The following GPHN variants were observed in gnomAD, a reference collection of about 807,000 sequenced individuals.
The protein encoded by GPHN is gephyrin.
A neutral mutation model predicts 95.5 loss-of-function variants in GPHN; 17 were observed. The observed-to-expected ratio is 0.18, with a 90% confidence interval of 0.12 to 0.27. GPHN has a LOEUF of 0.27. Among genes scored for constraint, GPHN ranks in the 10% least tolerant of loss-of-function variants. The probability of loss-of-function intolerance (pLI) is 1.00; values close to 1 mark genes in which losing one functional copy is unlikely to be tolerated. For synonymous variants in GPHN, 320 were observed against 322.5 expected (o/e 0.99, Z 0.08); for missense variants, 660 against 978.1 (o/e 0.67, Z 4.34).
At chr14:67,198,586 C>A in the GPHN span, among the ~76,000 whole-genome samples, 1 of 152,204 alleles carries the variant, frequency 6.6e-6, no homozygotes, top group Non-Finnish European at 1.5e-5. Context: ...CCCAAAATTA[C>A]ATGAAGCCGT....
the GPHN span, among the ~76,000 whole-genome samples, chr14:67,200,807 T>G: frequency 6.6e-5 from 10 of 152,232 alleles, no homozygotes; most frequent in Admixed American, 6.5e-4. Context: ...TCCAAGTTAG[T>G]TACCTTTTGC....
chr14:66,881,599 T>C (rs1014287607), intron 5 of GPHN, among the ~76,000 whole-genome samples: 2 of 151,898 alleles, frequency 1.3e-5, no homozygotes, highest in African/African-American at 2.4e-5. Context: ...GATCCCACAG[T>C]TTAAATGGAG....
the GPHN span, among the ~76,000 whole-genome samples, chr14:67,308,561 T>C: frequency 1.4e-4 from 21 of 150,494 alleles, no homozygotes; most frequent in African/African-American, 4.1e-4. Flanking sequence ...TTTTTTTTTT[T>C]TGGAGACAGA....
At chr14:67,257,925 G>A in the GPHN span, among the ~76,000 whole-genome samples, 6 of 152,076 alleles carry the variant, frequency 3.9e-5, no homozygotes, top group Non-Finnish European at 7.4e-5. Context: ...CTTATATGGA[G>A]TGTGTAAAAA....
chr14:67,026,383 TAATG>T (rs1567226882), intron 10 of GPHN, among the ~76,000 whole-genome samples: 1 of 152,202 alleles, frequency 6.6e-6, no homozygotes, highest in Non-Finnish European at 1.5e-5. Context: ...ATTTTCTTGA[TAATG>T]ATGATGATAA....
intron 18 of GPHN, among the ~76,000 whole-genome samples, chr14:67,143,833 C>A (rs978609791): frequency 6.6e-6 from 1 of 152,098 alleles, no homozygotes. Flanking sequence ...CCAATTCACC[C>A]ACCATATATT....
the GPHN span, among the ~76,000 whole-genome samples, chr14:67,708,832 C>T: frequency 1.3e-4 from 18 of 142,094 alleles, no homozygotes; most frequent in Admixed American, 5.1e-4. Context: ...CTCATTCTGT[C>T]GCCAAGCTGG....
the GPHN span, among the ~76,000 whole-genome samples, chr14:67,712,632 T>TA: frequency 6.6e-6 from 1 of 152,158 alleles, no homozygotes; most frequent in Non-Finnish European, 1.5e-5. Context: ...GAGCTCATTT[T>TA]AAAAAATCTT....
intron 19 of GPHN, among the ~76,000 whole-genome samples, chr14:67,161,785 A>G (rs1278607722): frequency 1.3e-5 from 2 of 152,194 alleles, no homozygotes; most frequent in Non-Finnish European, 2.9e-5. Context: ...TTCTATTTGC[A>G]GAGGGAAAGA....
intron 9 of GPHN, among the ~76,000 whole-genome samples, chr14:66,975,544 G>A (rs1478226523): frequency 1.3e-5 from 2 of 152,022 alleles, no homozygotes; most frequent in African/African-American, 4.8e-5. Context: ...ATTATACTGC[G>A]AGGCACAGCA....
rs578007080 is a variant in GPHN at position 66,759,622 on chromosome 14, C to T, written c.144-16842C>T. On this transcript the variant is annotated intron_variant, in intron 2 of 22. Transcript: ENST00000478722. ...CTTTACTTTAAGCCTGTTGGTGTAA[C>T]GTGAAATGGGTCTGTTGAAGATAGC... 5.9e-5 allele frequency among the ~76,000 whole-genome samples: 9 copies of T among 152,196 alleles called. No homozygotes were observed. The South Asian group carries it at 1.5e-3, about 25-fold the overall frequency.
chr14:67,286,978 GAGGCCAAGGTGGGTGGATCA>G, the GPHN span, among the ~76,000 whole-genome samples: 1 of 152,190 alleles, frequency 6.6e-6, no homozygotes, highest in Non-Finnish European at 1.5e-5. Flanking sequence ...AGCACTTTGG[GAGGCCAAGGTGGGTGGATCA>G]CTTGAGTCCA....
intron 8 of GPHN, among the ~76,000 whole-genome samples, chr14:66,951,490 T>C (rs2068106022): frequency 7.3e-6 from 1 of 137,792 alleles, no homozygotes; most frequent in Non-Finnish European, 1.5e-5. Flanking sequence ...CACTCCAGCC[T>C]GGCAACAGAA....
At chr14:67,580,824 G>A in the GPHN span, 3 of 679,840 alleles carry the variant, frequency 4.4e-6, no homozygotes, top group East Asian at 8.0e-5. Context: ...CCTGGTGGGA[G>A]GACTTTTCCT....
chr14:66,918,256 A>G (rs1047612782), intron 6 of GPHN, among the ~76,000 whole-genome samples: 1 of 152,176 alleles, frequency 6.6e-6, no homozygotes, highest in African/African-American at 2.4e-5. Flanking sequence ...TTCTGGCGTC[A>G]ATCTGTGATA....
intron 3 of GPHN, among the ~76,000 whole-genome samples, chr14:66,804,689 A>G (rs1179048087): frequency 6.6e-6 from 1 of 152,220 alleles, no homozygotes; most frequent in Non-Finnish European, 1.5e-5. Flanking sequence ...GCTGGACATT[A>G]TCCGTTTTAC....
At chr14:67,375,384 A>C in the GPHN span, among the ~76,000 whole-genome samples, 1 of 152,006 alleles carries the variant, frequency 6.6e-6, no homozygotes, top group Non-Finnish European at 1.5e-5. Flanking sequence ...GCCTCCCGGA[A>C]TGTTTGAGAT....
At chr14:67,245,485 T>G in the GPHN span, among the ~76,000 whole-genome samples, 33 of 152,176 alleles carry the variant, frequency 2.2e-4, no homozygotes, top group Non-Finnish European at 4.6e-4. Flanking sequence ...TGGATTATTG[T>G]CTTATTGCTG....
At chr14:67,105,323 A>G (rs1453330087) in intron 13 of GPHN, among the ~76,000 whole-genome samples, 4 of 152,112 alleles carry the variant, frequency 2.6e-5, no homozygotes, top group Non-Finnish European at 5.9e-5. Context: ...CTTGGATGAA[A>G]TGTACTTTAA....
Sources: allele counts gnomAD v4.1 joint callset (sites outside exome capture counted in the v4.1 genomes callset), GRCh38; gene constraint gnomAD v4.1.1; transcripts MANE v1.5; gene names NCBI Gene and HGNC (gene_info 2026-07-23, HGNC 2026-07-21).